GPR101: variants seen among roughly 807,000 people sequenced by gnomAD.
The protein encoded by GPR101 is probable G protein-coupled receptor 101.
A neutral mutation model predicts 16.4 loss-of-function variants in GPR101; 8 were observed. The observed-to-expected ratio is 0.49, with a 90% CI of 0.29 to 0.88. GPR101 has a LOEUF of 0.88. Among genes scored for constraint, GPR101 ranks in the 40% least tolerant of loss-of-function variants. The pLI is 0.09. For synonymous variants in GPR101, 155 were observed against 168.7 expected, an observed-to-expected ratio of 0.92 and a Z score of 0.63; for missense variants, 375 against 411.7, an observed-to-expected ratio of 0.91 and a Z score of 0.77.
Position 137,024,314 on chromosome X carries a change from A to G in GPR101, c.*5834T>C, listed in dbSNP as rs1334496957. Among the ~76,000 whole-genome samples, 1 of 111,968 alleles carries G rather than the reference A, an allele frequency of 8.9e-6. No homozygotes were observed. Among genetic ancestry groups the G allele is most frequent in the East Asian group, 2.8e-4 (1 of 3,564 alleles). On this transcript the variant is annotated 3_prime_UTR_variant, in exon 2 of 2. Coordinates refer to ENST00000651716, the MANE Select transcript of GPR101 (RefSeq NM_054021.2). The stretch of plus-strand genomic sequence containing the variant: ...GTGCACCTGAAGGTAAGTCGTGCCA[A>G]TGGGAACTTGGCCTCAGGACTGTAG...
Position 137,030,174 on chromosome X carries a change from A to G in GPR101, c.1501T>C (p.Ser501Pro). Residue 501 changes from serine (S) to proline (P), a missense_variant, in exon 2 of 2, where the codon TCC becomes CCC. Physicochemically the swap from Ser to Pro is moderately conservative, Grantham distance 74. Transcript: ENST00000651716. ...EGGTEGKIVP[S>P]YDSATFP ...CAAGGAAAAGTAGCAGAATCGTAGG[A>G]AGGGACAATCTTGCCTTCAGTCCCA... The G allele has an allele frequency of 8.4e-7, 1 of 1,188,712 alleles. No individual in the cohort carries two copies. The highest frequency in any genetic ancestry group is 1.1e-6 in the Non-Finnish European group (1 of 884,649).
chrX:137,030,571 C>T lies in GPR101; in HGVS notation c.1104G>A (p.Glu368=), dbSNP rs139974100. 22 of 1,209,245 alleles carry T rather than the reference C, an allele frequency of 1.8e-5. No homozygotes were observed. Among genetic ancestry groups the T allele is most frequent in the Non-Finnish European group, 2.5e-5 (22 of 894,964 alleles). The change falls in exon 2 of 2, where the codon GAG becomes GAA. Residue 368 remains glutamate, a synonymous_variant. Coordinates refer to ENST00000651716, the MANE Select transcript of GPR101 (RefSeq NM_054021.2). ...DDINFSEDDV[E]AVNIPESLPP... ...GGAGGCTCTCCGGGATGTTCACTGC[C>T]TCGACGTCATCCTCACTGAAATTGA...
chrX:137,032,983 G>A (rs1182751674), intron 1 of GPR101, among the ~76,000 whole-genome samples: 2 of 110,835 alleles, frequency 1.8e-5, no homozygotes, highest in Non-Finnish European at 3.8e-5. Flanking sequence ...CCCTCACCTT[G>A]GTTTTTCTCT....
rs965624606 is a variant in GPR101 at position 137,029,866 on chromosome X, C to T, written c.*282G>A. Reference sequence around the variant, plus strand: ...TCTGGAAAAGATAGAATACCAACTACAAGTCCAAAATGGATAGCCCTTGTT... The same window carrying T: ...TCTGGAAAAGATAGAATACCAACTATAAGTCCAAAATGGATAGCCCTTGTT... On this transcript the variant is annotated 3_prime_UTR_variant, in exon 2 of 2. Transcript: ENST00000651716. 4.5e-5 allele frequency among the ~76,000 whole-genome samples: 5 copies of T among 112,303 alleles called. No homozygotes were observed. The highest frequency in any genetic ancestry group is 1.6e-4 in the African/African-American group (5 of 30,943).
At position 137,025,076 on chromosome X, in the gene GPR101, T is replaced by C. The variant is rs764435396; in HGVS notation, c.*5072A>G. Reference sequence around the variant, plus strand: ...ATGATTAGTTCACACTAATGACCAATTGTACCAGAATAAGTCCTCACCTGT... The same window carrying C: ...ATGATTAGTTCACACTAATGACCAACTGTACCAGAATAAGTCCTCACCTGT... On this transcript the variant is annotated 3_prime_UTR_variant, in exon 2 of 2. Coordinates refer to ENST00000651716, the MANE Select transcript of GPR101 (RefSeq NM_054021.2). Among the ~76,000 whole-genome samples, 1 of 112,259 alleles carries C rather than the reference T, an allele frequency of 8.9e-6. No homozygotes were observed. Among genetic ancestry groups the C allele is most frequent in the East Asian group, 2.8e-4 (1 of 3,582 alleles).
chrX:137,031,886 T>C (rs113226811), intron 1 of GPR101, among the ~76,000 whole-genome samples, 120 bp from the exon 2 acceptor site: 29 of 112,078 alleles, frequency 2.6e-4, no homozygotes, highest in African/African-American at 8.4e-4. Flanking sequence ...CCATCCCCAG[T>C]GCGGGCAGCT....
rs1289148299 is a variant in GPR101 at position 137,023,935 on chromosome X, C to T, written c.*6213G>A. Among the ~76,000 whole-genome samples, 8 of 111,535 alleles carry T rather than the reference C, an allele frequency of 7.2e-5. No individual in the cohort carries two copies. In the East Asian group the frequency reaches 1.1e-3, roughly 16 times the overall value. ...TCTTGGCATAAAAACCAGATACACA[C>T]ATAAAATTTGACTTTATTTAGAATA... On this transcript the variant is annotated 3_prime_UTR_variant, in exon 2 of 2. Coordinates refer to ENST00000651716, the MANE Select transcript of GPR101 (RefSeq NM_054021.2).
In GPR101 at chrX:137,024,072, C is replaced by A. The variant is rs1927132862; in HGVS notation, c.*6076G>T. Among the ~76,000 whole-genome samples, 1 of 112,031 alleles carries A rather than the reference C, an allele frequency of 8.9e-6. No homozygotes were observed. The highest frequency in any genetic ancestry group is 1.9e-5 in the Non-Finnish European group (1 of 53,213). On this transcript the variant is annotated 3_prime_UTR_variant, in exon 2 of 2. Transcript: ENST00000651716. ...CATCAATTTCTCCGCATTTCCCAAG[C>A]AGGAGTCCGTTATTCCTTTCCAGCA...
rs1569454015 is a variant in GPR101, at chrX:137,030,296, G to T, written c.1379C>A (p.Thr460Asn). ...CATGTCCTGGATTTCCTTCTTAATG[G>T]TCTTGTGCATGTAGCCATAGACATA... ...HPYVYGYMHK[T>N]IKKEIQDMLK... is the part of the protein sequence containing the mutation. The change falls in exon 2 of 2, where the codon ACC (threonine) becomes AAC (asparagine). Residue 460 changes from threonine (T) to asparagine (N), a missense_variant. Thr to Asn is a moderately conservative substitution (Grantham distance 65). Transcript: ENST00000651716. The T allele has an allele frequency of 1.7e-6, 2 of 1,211,230 alleles. No homozygotes were observed. The highest frequency in any genetic ancestry group is 2.2e-6 in the Non-Finnish European group (2 of 895,329).
At position 137,030,957 on chromosome X, in the gene GPR101, C is replaced by T; in HGVS notation, c.718G>A (p.Asp240Asn). Residue 240 changes from aspartate to asparagine, a missense_variant, in exon 2 of 2, where the codon GAC becomes AAC. Physicochemically the swap from Asp to Asn is conservative, Grantham distance 23. Transcript: ENST00000651716. ...KRHSLEVRVKDCVENEDEEGA... is the reference protein window; with the variant it reads ...KRHSLEVRVKNCVENEDEEGA... ...TCTTCATCCTCATTCTCCACACAGT[C>T]CTTGACTCGCACTTCCAAGCTGTGT... 8.3e-7 allele frequency: 1 copy of T among 1,212,074 alleles called. No individual in the cohort carries two copies. Among genetic ancestry groups the T allele is most frequent in the Non-Finnish European group, 1.1e-6 (1 of 895,524 alleles).
rs1036038346 is a variant in GPR101, at chrX:137,026,039, A to G, written c.*4109T>C. On this transcript the variant is annotated 3_prime_UTR_variant, in exon 2 of 2. Transcript: ENST00000651716. ...CCGAGAGCACTAGTCCAGCCCATGG[A>G]AAGTAAGAGGAAGAGATAAGGAGGG... is the stretch of plus-strand genomic sequence containing the variant. Among the ~76,000 whole-genome samples, 2 of 112,076 alleles carry G rather than the reference A, an allele frequency of 1.8e-5. No homozygotes were observed. Among genetic ancestry groups the G allele is most frequent in the Admixed American group, 1.9e-4 (2 of 10,578 alleles).
rs776092295 is a variant in GPR101, at chrX:137,031,648, C to T, written c.27G>A (p.Thr9=). The T allele has an allele frequency of 3.4e-6, 4 of 1,192,626 alleles. No homozygotes were observed. Among genetic ancestry groups the T allele is most frequent in the Non-Finnish European group, 4.5e-6 (4 of 885,228 alleles). MTSTCTNS[T]RESNSSHTCM... Reference sequence around the variant, plus strand: ...ACGTGTGGCTGCTGTTACTCTCGCGCGTGCTGTTGGTGCAGGTGGACGTCA... The same window carrying T: ...ACGTGTGGCTGCTGTTACTCTCGCGTGTGCTGTTGGTGCAGGTGGACGTCA... Residue 9 remains threonine, a synonymous_variant, in exon 2 of 2, where the codon ACG becomes ACA. Transcript: ENST00000651716.
chrX:137,031,793 G>C (rs769348546), intron 1 of GPR101, 27 bp from the exon 2 acceptor site: 1 of 600,878 alleles, frequency 1.7e-6, no homozygotes, highest in East Asian at 3.7e-5. Context: ...CACGCAGGCA[G>C]AGTTAGTCAC....
chrX:137,031,629 GGCT>G lies in GPR101; in HGVS notation c.43_45del (p.Ser15del), dbSNP rs776854229. 4.2e-6 allele frequency: 5 copies of G among 1,199,281 alleles called. No homozygotes were observed. ...ATTTTGGAGAGGGGCATGCACGTGT[GGCT>G]GCTGTTACTCTCGCGCGTGCTGTTG... On this transcript the variant is annotated inframe_deletion, in exon 2 of 2. Coordinates refer to ENST00000651716, the MANE Select transcript of GPR101 (RefSeq NM_054021.2).
chrX:137,031,788 A>G (rs1443374638), intron 1 of GPR101, 22 bp from the exon 2 acceptor site: 1 of 609,736 alleles, frequency 1.6e-6, no homozygotes, highest in Non-Finnish European at 2.4e-6. Flanking sequence ...AGAAACACGC[A>G]GGCAGAGTTA....
chrX:137,027,374 T>C lies in GPR101; in HGVS notation c.*2774A>G, dbSNP rs1259457576. Among the ~76,000 whole-genome samples the C allele has an allele frequency of 9.2e-6, 1 of 108,216 alleles. No homozygotes were observed. The highest frequency in any genetic ancestry group is 1.9e-5 in the Non-Finnish European group (1 of 52,410). The allele number at this position is 108,216 out of a possible 115,157, so 94.0% of individuals were successfully genotyped here. ...TCCTTTAAAAACATTCAGGGAAAGC[T>C]ATTGCACATGAGGATCTGTGAGGCT... On this transcript the variant is annotated 3_prime_UTR_variant, in exon 2 of 2. Coordinates refer to ENST00000651716, the MANE Select transcript of GPR101 (RefSeq NM_054021.2).
rs1927148248 is a variant in GPR101 at position 137,024,928 on chromosome X, T to TATCTACTTGCCTTC, written c.*5219_*5220insGAAGGCAAGTAGAT. Among the ~76,000 whole-genome samples the TATCTACTTGCCTTC allele has an allele frequency of 8.9e-6, 1 of 111,938 alleles. No homozygotes were observed. Among genetic ancestry groups the TATCTACTTGCCTTC allele is most frequent in the Non-Finnish European group, 1.9e-5 (1 of 53,208 alleles). On this transcript the variant is annotated 3_prime_UTR_variant, in exon 2 of 2. Coordinates refer to ENST00000651716, the MANE Select transcript of GPR101 (RefSeq NM_054021.2). ...ACTCTACTTGCCTATCCTGGAGTCC[T>TATCTACTTGCCTTC]TCCTTTTTAATGGAGAAGGATGGTC...
Position 137,024,119 on chromosome X carries a change from A to G in GPR101, c.*6029T>C, listed in dbSNP as rs770488345. Reference sequence around the variant, plus strand: ...AGCAAAAGAAAAAAAAAGGCATTGTAACCATTTTAGAAAGGATCCAATTAA... The same window carrying G: ...AGCAAAAGAAAAAAAAAGGCATTGTGACCATTTTAGAAAGGATCCAATTAA... On this transcript the variant is annotated 3_prime_UTR_variant, in exon 2 of 2. Transcript: ENST00000651716. Among the ~76,000 whole-genome samples the G allele has an allele frequency of 8.9e-6, 1 of 112,702 alleles. No individual in the cohort carries two copies. Among genetic ancestry groups the G allele is most frequent in the African/African-American group, 3.2e-5 (1 of 31,012 alleles).
Position 137,030,164 on chromosome X carries a change from G to C in GPR101, c.1511C>G (p.Ser504Cys), listed in dbSNP as rs1927229139. Residue 504 changes from serine (S) to cysteine (C), a missense_variant, in exon 2 of 2, where the codon TCT (serine) becomes TGT (cysteine). Transcript: ENST00000651716. The part of the protein sequence containing the change: ...TEGKIVPSYD[S>C]ATFP The stretch of plus-strand genomic sequence containing the variant: ...GAACTAACTTCAAGGAAAAGTAGCA[G>C]AATCGTAGGAAGGGACAATCTTGCC... The C allele has an allele frequency of 8.5e-7, 1 of 1,178,041 alleles. No homozygotes were observed. The highest frequency in any genetic ancestry group is 1.8e-5 in the African/African-American group (1 of 56,202).
Sources: gnomAD v4.1 joint callset for allele counts (sites outside exome capture counted in the v4.1 genomes callset) on GRCh38, gnomAD v4.1.1 for gene constraint, MANE v1.5 for transcripts, NCBI Gene and HGNC (gene_info 2026-07-23, HGNC 2026-07-21) for gene names.